Variants in SKOR2 observed in about 807,000 individuals in gnomAD.
The protein encoded by SKOR2 is SKI family transcriptional corepressor 2.
In SKOR2, 47 loss-of-function variants were observed where a neutral mutation model predicts 69.1. The ratio of observed to expected loss-of-function variants is 0.68; its 90% CI spans 0.54 to 0.87. SKOR2 has a LOEUF of 0.87. Among genes scored for constraint, SKOR2 ranks in the 40% least tolerant of loss-of-function variants. The pLI, the probability that SKOR2 is intolerant of heterozygous loss-of-function variation, is 0.00. For missense variants in SKOR2, 1,404 were observed against 1,472.2 expected (o/e 0.95, Z 0.76); for synonymous variants, 717 against 672.6 (o/e 1.07, Z -1.02).
intron 4 of SKOR2, among the ~76,000 whole-genome samples, chr18:47,244,071 C>T (rs1286150880): frequency 6.6e-6 from 1 of 152,060 alleles, no homozygotes; most frequent in African/African-American, 2.4e-5. Flanking sequence ...GAGAAGTTTC[C>T]TTATGAGAAA....
At chr18:47,243,917 C>T (rs1425667251) in intron 4 of SKOR2, among the ~76,000 whole-genome samples, 2 of 152,088 alleles carry the variant, frequency 1.3e-5, no homozygotes, top group Admixed American at 6.5e-5. Context: ...CATCATCAAC[C>T]AAAATCGAAT....
intron 6 of SKOR2, among the ~76,000 whole-genome samples, chr18:47,229,702 C>G (rs1253442769): frequency 1.3e-5 from 2 of 152,116 alleles, no homozygotes; most frequent in African/African-American, 4.8e-5. Flanking sequence ...ACTTTCCTTT[C>G]TCTGGAGAGG....
intron 4 of SKOR2, among the ~76,000 whole-genome samples, chr18:47,235,223 T>G (rs1172349678): frequency 1.3e-5 from 2 of 151,606 alleles, no homozygotes; most frequent in Non-Finnish European, 2.9e-5. Flanking sequence ...TAGCTGGGAG[T>G]GGTGGTGCAC....
Position 47,248,444 on chromosome 18 carries a change from G to A in SKOR2, c.740C>T (p.Pro247Leu), listed in dbSNP as rs1191225701. 1.4e-6 allele frequency: 2 copies of A among 1,478,130 alleles called. No homozygotes were observed. Among genetic ancestry groups the A allele is most frequent in the African/African-American group, 1.4e-5 (1 of 70,868 alleles). 91.6% of individuals were successfully genotyped at this position (1,478,130 alleles called of 1,614,324 possible). A position where few individuals can be genotyped will look rare whatever the true frequency, so the allele number is the denominator to read the frequency against. Residue 247 changes from proline to leucine, a missense_variant, in exon 2 of 9, where the codon CCG becomes CTG. Transcript: ENST00000425639. The surrounding 1 kb of genome is among the most constrained non-coding windows in gnomAD (Gnocchi z 6.4). ...CGGGTGGCAGGCGGGGTGCGCGCCC[G>A]GCTGGGGCAGTGCGCGCTTGCGGCT... ...GGSRKRALPQ[P>L]GAHPACHPLS...
Position 47,248,444 on chromosome 18 carries a change from G to C in SKOR2, c.740C>G (p.Pro247Arg). The C allele has an allele frequency of 1.4e-6, 2 of 1,478,130 alleles. No individual in the cohort carries two copies. Among genetic ancestry groups the C allele is most frequent in the Non-Finnish European group, 1.8e-6 (2 of 1,112,078 alleles). The allele number at this position is 1,478,130 out of a possible 1,614,324, so 91.6% of individuals were successfully genotyped here. Residue 247 changes from proline to arginine, a missense_variant, in exon 2 of 9, where the codon CCG (proline) becomes CGG (arginine). By Grantham distance (103) the Pro-to-Arg change is moderately radical. Coordinates refer to ENST00000425639, the MANE Select transcript of SKOR2 (RefSeq NM_001278063.4). The surrounding 1 kb of genome is among the most constrained non-coding windows in gnomAD (Gnocchi z 6.4). Reference protein sequence around the residue: ...GGSRKRALPQPGAHPACHPLS... With the variant: ...GGSRKRALPQRGAHPACHPLS... Reference sequence around the variant, plus strand: ...CGGGTGGCAGGCGGGGTGCGCGCCCGGCTGGGGCAGTGCGCGCTTGCGGCT... The same window carrying C: ...CGGGTGGCAGGCGGGGTGCGCGCCCCGCTGGGGCAGTGCGCGCTTGCGGCT...
At chr18:47,237,192 G>A (rs1434595224) in intron 4 of SKOR2, among the ~76,000 whole-genome samples, 1 of 152,170 alleles carries the variant, frequency 6.6e-6, no homozygotes, top group Non-Finnish European at 1.5e-5. Flanking sequence ...TGATCCATTT[G>A]TATATTCTGA....
At chr18:47,231,322 A>T (rs2064197433) in intron 4 of SKOR2, among the ~76,000 whole-genome samples, 1 of 152,088 alleles carries the variant, frequency 6.6e-6, no homozygotes, top group African/African-American at 2.4e-5. Flanking sequence ...GCAAAAGAGG[A>T]GTCTGGATAG....
At chr18:47,228,670 C>T (rs557663322) in intron 6 of SKOR2, among the ~76,000 whole-genome samples, 7 of 152,268 alleles carry the variant, frequency 4.6e-5, no homozygotes, top group African/African-American at 1.7e-4. Flanking sequence ...ATTGGGAAAA[C>T]GTATTCAATG....
intron 7 of SKOR2, among the ~76,000 whole-genome samples, chr18:47,212,553 T>C (rs1416551256): frequency 6.6e-6 from 1 of 152,268 alleles, no homozygotes; most frequent in Non-Finnish European, 1.5e-5. Flanking sequence ...TGTAATTGTT[T>C]AGTTTATTAG....
At chr18:47,213,104 C>T (rs1210882016) in intron 7 of SKOR2, among the ~76,000 whole-genome samples, 2 of 152,008 alleles carry the variant, frequency 1.3e-5, no homozygotes, top group Non-Finnish European at 2.9e-5. Context: ...TGGTATGCTA[C>T]TTTTCATTAT....
chr18:47,230,008 G>A (rs527879442), intron 6 of SKOR2, among the ~76,000 whole-genome samples: 26 of 152,182 alleles, frequency 1.7e-4, no homozygotes, highest in African/African-American at 6.0e-4. Context: ...TTAAAGTTTA[G>A]ATTTTCATAT....
At chr18:47,229,420 G>A (rs1263442638) in intron 6 of SKOR2, among the ~76,000 whole-genome samples, 2 of 152,104 alleles carry the variant, frequency 1.3e-5, no homozygotes, top group Non-Finnish European at 2.9e-5. Flanking sequence ...TTGGGAGGCC[G>A]AGGTGGGCGG....
At chr18:47,219,296 A>G (rs189512400) in intron 7 of SKOR2, among the ~76,000 whole-genome samples, 5 of 152,326 alleles carry the variant, frequency 3.3e-5, no homozygotes, top group African/African-American at 1.2e-4. Context: ...GCCCTAATGA[A>G]TAGTACTAGA....
intron 4 of SKOR2, among the ~76,000 whole-genome samples, chr18:47,234,042 G>A (rs1224842418): frequency 6.6e-5 from 10 of 152,106 alleles, no homozygotes; most frequent in African/African-American, 1.2e-4. Flanking sequence ...TAGAGGATTC[G>A]AATGCCTCAC....
intron 1 of SKOR2, among the ~76,000 whole-genome samples, chr18:47,250,320 C>T (rs1025246580): frequency 3.9e-5 from 6 of 152,258 alleles, no homozygotes; most frequent in African/African-American, 1.2e-4. Flanking sequence ...CACCTCCAGT[C>T]AACAGAATGC....
chr18:47,244,266 G>A (rs1014993122), intron 4 of SKOR2, among the ~76,000 whole-genome samples: 4 of 151,978 alleles, frequency 2.6e-5, no homozygotes. Flanking sequence ...TAACAACCTC[G>A]TTTGACAGTC....
rs1427114608 is a variant in SKOR2, at chr18:47,248,043, G to A, written c.1141C>T (p.Pro381Ser). ...CCCTTGCTGGGCACCGGGATGACTG[G>A]GTAGCTGCGCGGGCCTTTGGCCCCT... ...GAGAKGPRSYPVIPVPSKGSF... is the reference protein window; with the variant it reads ...GAGAKGPRSYSVIPVPSKGSF... Residue 381 changes from proline (P) to serine (S), a missense_variant, in exon 2 of 9, where the codon CCA (proline) becomes TCA (serine). This residue lies in a region of SKOR2 where 1,266 missense variants were observed against 1,309.9 expected (regional missense o/e 0.97). Transcript: ENST00000425639. The surrounding 1 kb of genome is among the most constrained non-coding windows in gnomAD (Gnocchi z 6.4). The A allele has an allele frequency of 1.4e-6, 2 of 1,439,516 alleles. No individual in the cohort carries two copies. Among genetic ancestry groups the A allele is most frequent in the Non-Finnish European group, 9.1e-7 (1 of 1,097,724 alleles). The allele number at this position is 1,439,516 out of a possible 1,614,324, so 89.2% of individuals were successfully genotyped here. A position where few individuals can be genotyped will look rare whatever the true frequency, so the allele number is the denominator to read the frequency against.
In SKOR2 at chr18:47,247,752, C is replaced by A; in HGVS notation, c.1432G>T (p.Gly478Trp). The A allele has an allele frequency of 7.3e-7, 1 of 1,375,436 alleles. No homozygotes were observed. Among genetic ancestry groups the A allele is most frequent in the South Asian group, 1.7e-5 (1 of 58,820 alleles). The allele number at this position is 1,375,436 out of a possible 1,614,324, so 85.2% of individuals were successfully genotyped here. A position where few individuals can be genotyped will look rare whatever the true frequency, so the allele number is the denominator to read the frequency against. The part of the protein sequence containing the change: ...CMFWPPRTPG[G>W]LPVPTYLQPP... The stretch of plus-strand genomic sequence containing the variant: ...TGCAGGTAGGTGGGCACCGGGAGCC[C>A]GCCAGGGGTCCGCGGCGGCCAGAAC... Residue 478 changes from glycine to tryptophan, a missense_variant, in exon 2 of 9, where the codon GGG becomes TGG. Around this residue, in one of 3 missense-constraint regions of SKOR2, gnomAD observed 1,266 missense variants for 1,309.9 expected, o/e 0.97. Coordinates refer to ENST00000425639, the MANE Select transcript of SKOR2 (RefSeq NM_001278063.4). This position sits in a 1 kb window ranked among gnomAD's most constrained non-coding sequence, Gnocchi z 6.6.
intron 1 of SKOR2, among the ~76,000 whole-genome samples, chr18:47,250,380 G>A (rs1240308524): frequency 2.0e-5 from 3 of 152,168 alleles, no homozygotes; most frequent in East Asian, 1.9e-4. Context: ...ACAAGGAAGC[G>A]GAAAGAAATT....
Sources: allele counts gnomAD v4.1 joint callset (sites outside exome capture counted in the v4.1 genomes callset), GRCh38; gene constraint gnomAD v4.1.1; regional missense constraint gnomAD v4.1.1; non-coding constraint Gnocchi (gnomAD v3.1); transcripts MANE v1.5; gene names NCBI Gene and HGNC (gene_info 2026-07-23, HGNC 2026-07-21).